CFAP20DC: variants seen among roughly 807,000 people sequenced by gnomAD.
CFAP20DC encodes the protein protein CFAP20DC.
In CFAP20DC, 84 loss-of-function variants were observed where a neutral mutation model predicts 101.7. That is an observed-to-expected ratio of 0.83 (90% CI 0.69 to 0.99). The LOEUF is 0.99. CFAP20DC is among the 50% of genes least tolerant of loss of function. The probability of loss-of-function intolerance (pLI) is 0.00; values close to 1 mark genes in which losing one functional copy is unlikely to be tolerated. For synonymous variants in CFAP20DC, 359 were observed against 351.2 expected (o/e 1.02, Z -0.25); for missense variants, 1,007 against 970.3 (o/e 1.04, Z -0.50).
chr3:58,801,759 A>G (rs1026377413), intron 15 of CFAP20DC, among the ~76,000 whole-genome samples: 1 of 152,200 alleles, frequency 6.6e-6, no homozygotes, highest in Non-Finnish European at 1.5e-5. Context: ...TCATTTGTCA[A>G]AGACTGCAGG....
chr3:58,891,254 C>T, intron 6 of CFAP20DC, among the ~76,000 whole-genome samples: 1 of 151,906 alleles, frequency 6.6e-6, no homozygotes, highest in African/African-American at 2.4e-5. Flanking sequence ...GAAACCCCGT[C>T]TCCACCAAAA....
rs572031716 is a variant in CFAP20DC, at chr3:58,754,507, T to G, written c.2238-644A>C. ...CCAGAAGGCTTGAGTCACTGCATAT[T>G]CTACTTTAAGCCCTTCTCATCTCTA... On this transcript the variant is annotated intron_variant, in intron 15 of 16. Transcript: ENST00000482387. 3.3e-5 allele frequency among the ~76,000 whole-genome samples: 5 copies of G among 152,264 alleles called. No individual in the cohort carries two copies. The South Asian group carries it at 1.0e-3, about 32-fold the overall frequency.
intron 4 of CFAP20DC, among the ~76,000 whole-genome samples, chr3:58,952,965 G>A (rs1437470960): frequency 6.6e-6 from 1 of 152,132 alleles, no homozygotes; most frequent in Non-Finnish European, 1.5e-5. Context: ...TCTCCAGCTT[G>A]TTCTAATGGA....
intron 4 of CFAP20DC, among the ~76,000 whole-genome samples, chr3:59,033,472 C>T (rs2094035316): frequency 6.6e-6 from 1 of 152,092 alleles, no homozygotes; most frequent in African/African-American, 2.4e-5. Context: ...GGAGGAATTG[C>T]TAACTAGAAT....
chr3:58,916,241 G>GCC (rs989049395), intron 5 of CFAP20DC, among the ~76,000 whole-genome samples: 4 of 151,932 alleles, frequency 2.6e-5, no homozygotes, highest in African/African-American at 9.7e-5. Flanking sequence ...CATTTTCCAG[G>GCC]CCCAGCATGG....
chr3:58,751,860 CACACACAA>C (rs147990401), intron 16 of CFAP20DC, among the ~76,000 whole-genome samples: 8,337 of 150,898 alleles, frequency 0.055, 486 homozygotes, highest in East Asian at 0.34. Context: ...CACACACACA[CACACACAA>C]AATTTCCTCC....
chr3:58,896,430 G>A (rs1339008253), intron 6 of CFAP20DC, among the ~76,000 whole-genome samples: 1 of 151,728 alleles, frequency 6.6e-6, no homozygotes, highest in East Asian at 1.9e-4. Flanking sequence ...TGCTAGCTTT[G>A]GGGTTTGTTT....
At chr3:59,029,999 T>C (rs2093959829) in intron 4 of CFAP20DC, among the ~76,000 whole-genome samples, 1 of 152,138 alleles carries the variant, frequency 6.6e-6, no homozygotes, top group African/African-American at 2.4e-5. Context: ...CCAGTGGGCA[T>C]GGGAGACATA....
intron 6 of CFAP20DC, among the ~76,000 whole-genome samples, chr3:58,890,100 A>G (rs1351908616): frequency 2.7e-5 from 4 of 150,714 alleles, no homozygotes; most frequent in African/African-American, 9.8e-5. Context: ...GGCCGGGCAG[A>G]GGGGCTCTTC....
chr3:58,739,105 G>A (rs1006091618), downstream of CFAP20DC, among the ~76,000 whole-genome samples: 1 of 151,930 alleles, frequency 6.6e-6, no homozygotes, highest in African/African-American at 2.4e-5. Context: ...GATTTTTTTG[G>A]CAAAAGTGTC....
At chr3:58,952,027 A>C (rs2108058076) in intron 4 of CFAP20DC, among the ~76,000 whole-genome samples, 1 of 152,326 alleles carries the variant, frequency 6.6e-6, no homozygotes, top group East Asian at 1.9e-4. Flanking sequence ...GCAATTTGCA[A>C]AGTTCCTAGT....
intron 12 of CFAP20DC, among the ~76,000 whole-genome samples, chr3:58,851,477 G>A (rs1436048053): frequency 6.6e-6 from 1 of 152,110 alleles, no homozygotes; most frequent in Non-Finnish European, 1.5e-5. Context: ...CTTAACCCAT[G>A]CCCTGTTATA....
At chr3:58,846,480 G>T (rs921706372) in intron 13 of CFAP20DC, among the ~76,000 whole-genome samples, 3 of 152,056 alleles carry the variant, frequency 2.0e-5, no homozygotes, top group African/African-American at 7.3e-5. Context: ...CCTCTTCAGG[G>T]AGAACTACAA....
At chr3:58,835,053 T>C (rs1387394805) in intron 13 of CFAP20DC, among the ~76,000 whole-genome samples, 1 of 152,154 alleles carries the variant, frequency 6.6e-6, no homozygotes, top group Non-Finnish European at 1.5e-5. Context: ...AGTCAATACA[T>C]ATATCCCTGT....
rs1476301912 is a variant in CFAP20DC at position 58,831,805 on chromosome 3, C to T, written c.2056G>A (p.Glu686Lys). The change falls in exon 14 of 17, where the codon GAA (glutamate) becomes AAA (lysine). Residue 686 changes from glutamate (E) to lysine (K), a missense_variant. By Grantham distance (56) the Glu-to-Lys change is moderately conservative. Coordinates refer to ENST00000482387, the MANE Select transcript of CFAP20DC (RefSeq NM_001394063.1). ...GAGGTCCCAGCATCCTCCAGTTCTT[C>T]ATTTTGTTGCCACCGTAGGCTTGCT... ...MLASLRWQQNEELEDAGTSHG... is the reference protein window; with the variant it reads ...MLASLRWQQNKELEDAGTSHG... 6.2e-7 allele frequency: 1 copy of T among 1,614,134 alleles called. No homozygotes were observed. Among genetic ancestry groups the T allele is most frequent in the South Asian group, 1.1e-5 (1 of 91,092 alleles).
Position 58,868,652 on chromosome 3 carries a change from T to C in CFAP20DC, c.1015+676A>G, listed in dbSNP as rs778463833. On this transcript the variant is annotated intron_variant, in intron 9 of 16. Coordinates refer to ENST00000482387, the MANE Select transcript of CFAP20DC (RefSeq NM_001394063.1). The surrounding 1 kb of genome is among the most constrained non-coding windows in gnomAD (Gnocchi z 4.6). ...AGGGCTGGATTTCTATCTATCCATTTCCTTATTTCAGTTTCATACTCCACG... is the reference window on the plus strand; with the variant it reads ...AGGGCTGGATTTCTATCTATCCATTCCCTTATTTCAGTTTCATACTCCACG... 3.9e-5 allele frequency among the ~76,000 whole-genome samples: 6 copies of C among 152,218 alleles called. No individual in the cohort carries two copies. Among genetic ancestry groups the C allele is most frequent in the Admixed American group, 1.3e-4 (2 of 15,292 alleles).
intron 12 of CFAP20DC, among the ~76,000 whole-genome samples, chr3:58,851,110 T>C (rs537428148): frequency 1.3e-5 from 2 of 152,264 alleles, no homozygotes; most frequent in African/African-American, 4.8e-5. Flanking sequence ...CTGCAGATTC[T>C]CGGAATGTAA....
intron 13 of CFAP20DC, among the ~76,000 whole-genome samples, chr3:58,846,368 C>A (rs1421691134): frequency 6.7e-6 from 1 of 149,680 alleles, no homozygotes; most frequent in Non-Finnish European, 1.5e-5. Flanking sequence ...GATACACCAA[C>A]AACAGACAAA....
chr3:58,936,375 A>G (rs1369606123), intron 5 of CFAP20DC, among the ~76,000 whole-genome samples: 1 of 152,224 alleles, frequency 6.6e-6, no homozygotes, highest in Non-Finnish European at 1.5e-5. Flanking sequence ...GCGATTCCTC[A>G]GGGATCTAGA....
Sources: allele counts gnomAD v4.1 joint callset (sites outside exome capture counted in the v4.1 genomes callset), GRCh38; gene constraint gnomAD v4.1.1; non-coding constraint Gnocchi (gnomAD v3.1); transcripts MANE v1.5; gene names NCBI Gene and HGNC (gene_info 2026-07-23, HGNC 2026-07-21).